Variants in AK5 observed in about 807,000 individuals in gnomAD.
AK5 encodes adenylate kinase 5, also known as adenylate kinase isoenzyme 5.
A neutral mutation model predicts 69.5 loss-of-function variants in AK5; 27 were observed. That is an observed-to-expected ratio of 0.39 (90% CI 0.29 to 0.54). AK5 has a LOEUF of 0.54. Among genes scored for constraint, AK5 ranks in the 20% least tolerant of loss-of-function variants. The pLI is 0.71. For synonymous variants in AK5, 260 were observed against 244.4 expected, an observed-to-expected ratio of 1.06 and a Z score of -0.60; for missense variants, 531 against 700.4, an observed-to-expected ratio of 0.76 and a Z score of 2.73.
chr1:77,394,801 C>T (rs376872340), intron 6 of AK5, among the ~76,000 whole-genome samples: 39 of 152,172 alleles, frequency 2.6e-4, no homozygotes, highest in East Asian at 9.7e-4. Flanking sequence ...TCATACTATC[C>T]GCAACAAATG....
chr1:77,491,409 T>C (rs1369851915), intron 10 of AK5, among the ~76,000 whole-genome samples: 2 of 148,120 alleles, frequency 1.4e-5, no homozygotes, highest in Non-Finnish European at 3.0e-5. Context: ...TGTTTTCAAG[T>C]GATTCTCCTG....
chr1:77,296,560 G>C (rs945047721), intron 3 of AK5, among the ~76,000 whole-genome samples: 1 of 151,910 alleles, frequency 6.6e-6, no homozygotes, highest in Non-Finnish European at 1.5e-5. Flanking sequence ...TTAAATTAAT[G>C]GAGTGTATAA....
chr1:77,404,707 T>C (rs1490695620), intron 6 of AK5, among the ~76,000 whole-genome samples: 2 of 152,172 alleles, frequency 1.3e-5, no homozygotes, highest in South Asian at 2.1e-4. Context: ...TAAGAGTAAA[T>C]TGGCTTCAGC....
chr1:77,545,869 A>AGGT (rs2100383444), intron 13 of AK5, among the ~76,000 whole-genome samples: 1 of 152,302 alleles, frequency 6.6e-6, no homozygotes, highest in South Asian at 2.1e-4. Context: ...GTGAAGAGAA[A>AGGT]GGTGTGCCTG....
chr1:77,318,057 C>T (rs1660330347), intron 5 of AK5, among the ~76,000 whole-genome samples: 1 of 152,172 alleles, frequency 6.6e-6, no homozygotes. Flanking sequence ...GGAGCACATC[C>T]ATCATTATCC....
chr1:77,303,300 G>C (rs1331088838), intron 5 of AK5, among the ~76,000 whole-genome samples: 1 of 152,130 alleles, frequency 6.6e-6, no homozygotes. Context: ...ACCTCAAAAA[G>C]CTTTCATTTA....
At position 77,518,699 on chromosome 1, in the gene AK5, T is replaced by A. The variant is rs143683857; in HGVS notation, c.1283T>A (p.Ile428Asn). 5 of 1,614,222 alleles carry A rather than the reference T, an allele frequency of 3.1e-6. No homozygotes were observed. The African/African-American group carries it at 6.7e-5, about 22-fold the overall frequency. Residue 428 changes from isoleucine to asparagine, a missense_variant, in exon 11 of 14, where the codon ATT (isoleucine) becomes AAT (asparagine). Ile to Asn is a moderately radical substitution (Grantham distance 149). Coordinates refer to ENST00000354567, the MANE Select transcript of AK5 (RefSeq NM_174858.3). ...ESERSKLIRD[I>N]MERGDLVPSG... ...GAAAGAAGCAAATTGATCAGAGACA[T>A]TATGGAACGTGGAGACCTGGTGCCC...
chr1:77,548,149 T>A (rs1659631057), intron 13 of AK5, among the ~76,000 whole-genome samples: 1 of 152,248 alleles, frequency 6.6e-6, no homozygotes, highest in Admixed American at 6.5e-5. Context: ...CTGCACGTAC[T>A]ATGGGAAGTC....
chr1:77,512,835 T>C (rs1356991232), intron 10 of AK5, among the ~76,000 whole-genome samples: 1 of 152,106 alleles, frequency 6.6e-6, no homozygotes, highest in East Asian at 1.9e-4. Context: ...TATGCAGCCA[T>C]AAAAAATGAT....
intron 5 of AK5, among the ~76,000 whole-genome samples, chr1:77,326,043 G>T (rs767340437): frequency 1.3e-5 from 2 of 152,044 alleles, no homozygotes; most frequent in Non-Finnish European, 2.9e-5. Context: ...AGAACAAGAT[G>T]CACTAAAGAT....
chr1:77,558,911 C>T lies in AK5; in HGVS notation c.*241C>T, dbSNP rs1439065522. 3.2e-5 allele frequency: 15 copies of T among 470,584 alleles called. No homozygotes were observed. Among genetic ancestry groups the T allele is most frequent in the Admixed American group, 1.8e-4 (5 of 27,284 alleles). 29.2% of individuals were successfully genotyped at this position (470,584 alleles called of 1,614,324 possible). On this transcript the variant is annotated 3_prime_UTR_variant, in exon 14 of 14. Transcript: ENST00000354567. ...CACTTCAGACAACTGTCTGCACTCA[C>T]GGCACACACACTTTGTATCATGCAG...
intron 5 of AK5, among the ~76,000 whole-genome samples, chr1:77,320,181 A>C (rs900308730): frequency 6.6e-6 from 1 of 152,156 alleles, no homozygotes; most frequent in African/African-American, 2.4e-5. Flanking sequence ...GGGTCTCATG[A>C]GAACTCAGTA....
rs182859469 is a variant in AK5 at position 77,541,985 on chromosome 1, C to T, written c.1620+5947C>T. Among the ~76,000 whole-genome samples the T allele has an allele frequency of 1.0e-3, 154 of 152,190 alleles. 1 individual carries two copies. The highest frequency in any genetic ancestry group is 3.6e-3 in the African/African-American group (148 of 41,524). ...TGCATATGGTATGTGTGGGACACGA[C>T]ACTTGGTGCTGGGGACACAGCAGTC... On this transcript the variant is annotated intron_variant, in intron 13 of 13. Coordinates refer to ENST00000354567, the MANE Select transcript of AK5 (RefSeq NM_174858.3).
At chr1:77,323,166 A>G in intron 5 of AK5, among the ~76,000 whole-genome samples, 1 of 151,646 alleles carries the variant, frequency 6.6e-6, no homozygotes, top group East Asian at 1.9e-4. Context: ...TTTTTTTTGT[A>G]TTTTTAGTAG....
At chr1:77,529,558 C>T (rs1235442958) in intron 12 of AK5, among the ~76,000 whole-genome samples, 2 of 152,088 alleles carry the variant, frequency 1.3e-5, no homozygotes, top group African/African-American at 2.4e-5. Context: ...CTCCTGACCT[C>T]GTGATCTGCC....
intron 5 of AK5, among the ~76,000 whole-genome samples, chr1:77,310,414 C>G (rs1012092681): frequency 1.3e-5 from 2 of 151,978 alleles, no homozygotes; most frequent in African/African-American, 4.8e-5. Context: ...GAGTCTTACT[C>G]AGTAGCCCAG....
rs1650519022 is a variant in AK5, at chr1:77,417,650, C to T, written c.994C>T (p.Leu332Phe). The part of the protein sequence containing the change: ...NKEAAAGSSD[L>F]DPSMILDTGE... ...TTTCCTAATCTTAGGTTCAAGTGAC[C>T]TTGATCCTTCGATGATATTGGACAC... Residue 332 changes from leucine (L) to phenylalanine (F), a missense_variant, in exon 8 of 14, where the codon CTT becomes TTT. Transcript: ENST00000354567. The T allele has an allele frequency of 6.2e-7, 1 of 1,607,060 alleles. No homozygotes were observed. The highest frequency in any genetic ancestry group is 1.3e-5 in the African/African-American group (1 of 74,750).
At chr1:77,558,322 A>T (rs147727590) in intron 13 of AK5, among the ~76,000 whole-genome samples, 235 of 152,328 alleles carry the variant, frequency 1.5e-3, no homozygotes, top group African/African-American at 5.4e-3. Context: ...ACAAGCAATG[A>T]GTGAGAGTTC....
chr1:77,368,354 G>A (rs544545098), intron 6 of AK5, among the ~76,000 whole-genome samples: 1,254 of 124,206 alleles, frequency 0.01, 20 homozygotes, highest in African/African-American at 0.037. Context: ...TATATATGTT[G>A]TGTATATATA....
Sources: allele counts gnomAD v4.1 joint callset (sites outside exome capture counted in the v4.1 genomes callset), GRCh38; gene constraint gnomAD v4.1.1; transcripts MANE v1.5; gene names NCBI Gene and HGNC (gene_info 2026-07-23, HGNC 2026-07-21).